The following UTS2 variants were observed in gnomAD, a reference collection of about 807,000 sequenced individuals.
The protein encoded by UTS2 is urotensin 2.
UTS2 carries 10 observed loss-of-function variants against 12.6 expected under a neutral mutation model. The observed-to-expected ratio is 0.80, with a 90% CI of 0.49 to 1.35. The LOEUF is 1.35. Among genes scored for constraint, UTS2 ranks in the 40% most tolerant of loss-of-function variants. The pLI, the probability that UTS2 is intolerant of heterozygous loss-of-function variation, is 0.00. For missense variants in UTS2, 142 were observed against 143.2 expected, an observed-to-expected ratio of 0.99 and a Z score of 0.04; for synonymous variants, 52 against 50.0, an observed-to-expected ratio of 1.04 and a Z score of -0.17.
chr1:7,898,966 C>A, the UTS2 span, among the ~76,000 whole-genome samples: 3 of 152,004 alleles, frequency 2.0e-5, no homozygotes, highest in Non-Finnish European at 4.4e-5. Flanking sequence ...TGAATTGGCT[C>A]GAGGTTCCAT....
chr1:7,895,707 T>G, the UTS2 span, among the ~76,000 whole-genome samples: 1 of 152,256 alleles, frequency 6.6e-6, no homozygotes, highest in Non-Finnish European at 1.5e-5. Flanking sequence ...CTAAAGTTCA[T>G]TCAGGAATTT....
At chr1:7,889,260 CA>C in the UTS2 span, among the ~76,000 whole-genome samples, 17,962 of 72,654 alleles carry the variant, frequency 0.25, 1,199 homozygotes, top group African/African-American at 0.28. Context: ...CTCATTTCTA[CA>C]AAAAAAAAAA....
the UTS2 span, among the ~76,000 whole-genome samples, chr1:7,867,138 G>A: frequency 1.3e-5 from 2 of 152,160 alleles, no homozygotes; most frequent in African/African-American, 4.8e-5. Flanking sequence ...CCAGAGTGCT[G>A]AGATTACAGG....
At chr1:7,875,153 C>A in the UTS2 span, among the ~76,000 whole-genome samples, 1 of 151,878 alleles carries the variant, frequency 6.6e-6, no homozygotes, top group Non-Finnish European at 1.5e-5. Flanking sequence ...AGGCTCACTG[C>A]AAGCTCCGCC....
the UTS2 span, among the ~76,000 whole-genome samples, chr1:7,906,490 A>AGAAG: frequency 7.6e-5 from 11 of 145,480 alleles, no homozygotes; most frequent in South Asian, 2.3e-4. Context: ...AAAGAAAGAA[A>AGAAG]GAAAGAAAGA....
chr1:7,849,626 A>C lies in UTS2; in HGVS notation c.258+14T>G. On this transcript the variant is annotated intron_variant, in intron 3 of 3. Coordinates refer to ENST00000361696, the MANE Select transcript of UTS2 (RefSeq NM_006786.4). ...TCACCTTTTTAAACCTAACTCATAA[A>C]TAGAGTCACTTACCTTTCTCAAATT... is the stretch of plus-strand genomic sequence containing the variant. 1 of 1,603,870 alleles carries C rather than the reference A, an allele frequency of 6.2e-7. No individual in the cohort carries two copies. Among genetic ancestry groups the C allele is most frequent in the South Asian group, 1.1e-5 (1 of 89,490 alleles).
the UTS2 span, among the ~76,000 whole-genome samples, chr1:7,902,460 G>C: frequency 9.9e-5 from 15 of 152,250 alleles, no homozygotes; most frequent in South Asian, 3.1e-3. Context: ...TGGGTCGTCA[G>C]TGCGGCTTTT....
upstream of UTS2, chr1:7,853,582 G>T: frequency 9.0e-7 from 1 of 1,107,126 alleles, no homozygotes; most frequent in African/African-American, 1.6e-5. Context: ...CATTGCTCCA[G>T]GCTCAAGACA....
chr1:7,888,000 C>T, the UTS2 span, among the ~76,000 whole-genome samples: 12 of 152,154 alleles, frequency 7.9e-5, no homozygotes, highest in African/African-American at 2.4e-4. Context: ...TGTTACGGGT[C>T]TTGGCCTGGC....
the UTS2 span, among the ~76,000 whole-genome samples, chr1:7,863,900 C>T: frequency 0.021 from 3,136 of 152,322 alleles, 91 homozygotes; most frequent in African/African-American, 0.071. Context: ...TGACCTGGCC[C>T]GGCCATCTGG....
intron 3 of UTS2, 140 bp downstream of exon 3, chr1:7,849,500 C>G: frequency 1.3e-6 from 1 of 742,486 alleles, no homozygotes; most frequent in Non-Finnish European, 2.1e-6. Flanking sequence ...CATGAGCTAC[C>G]GCGCCTGGTC....
the UTS2 span, among the ~76,000 whole-genome samples, chr1:7,875,900 C>A: frequency 5.9e-5 from 9 of 152,114 alleles, no homozygotes; most frequent in African/African-American, 2.2e-4. Flanking sequence ...TGGCTTACCC[C>A]ACCCATCGCT....
chr1:7,860,013 C>CATAT, the UTS2 span, among the ~76,000 whole-genome samples: 3 of 151,356 alleles, frequency 2.0e-5, no homozygotes, highest in South Asian at 4.2e-4. Context: ...AAAATGCATA[C>CATAT]ATATATATAT....
upstream of UTS2, among the ~76,000 whole-genome samples, chr1:7,854,753 C>T (rs530943026): frequency 1.2e-4 from 19 of 152,134 alleles, 1 homozygote; most frequent in South Asian, 3.5e-3. Context: ...TTTGTGTTCT[C>T]ATCACAAAAA....
the UTS2 span, among the ~76,000 whole-genome samples, chr1:7,899,760 C>T: frequency 5.3e-5 from 8 of 152,308 alleles, no homozygotes; most frequent in African/African-American, 1.9e-4. Context: ...CTTGAAACAG[C>T]AAGCATTTGT....
chr1:7,870,853 T>C, the UTS2 span, among the ~76,000 whole-genome samples: 2 of 151,930 alleles, frequency 1.3e-5, no homozygotes, highest in African/African-American at 2.4e-5. Flanking sequence ...CCAAACAAAA[T>C]TGAGGTTTTT....
the UTS2 span, among the ~76,000 whole-genome samples, chr1:7,893,238 C>T: frequency 1.1e-3 from 165 of 152,290 alleles, no homozygotes; most frequent in African/African-American, 3.6e-3. Flanking sequence ...TTAGGCCGGG[C>T]GCAGTGGCTC....
At chr1:7,858,051 C>A (rs1638350608), upstream of UTS2, among the ~76,000 whole-genome samples, 1 of 152,096 alleles carries the variant, frequency 6.6e-6, no homozygotes, top group Non-Finnish European at 1.5e-5. Context: ...AACTCTGGGG[C>A]TCCAAGGAAG....
the UTS2 span, among the ~76,000 whole-genome samples, chr1:7,863,758 G>T: frequency 1.3e-5 from 2 of 152,186 alleles, no homozygotes; most frequent in Non-Finnish European, 2.9e-5. Context: ...GGCTGTGTAA[G>T]AACCCCCCAT....
Sources: gnomAD v4.1 joint callset for allele counts (sites outside exome capture counted in the v4.1 genomes callset) on GRCh38, gnomAD v4.1.1 for gene constraint, MANE v1.5 for transcripts, NCBI Gene and HGNC (gene_info 2026-07-23, HGNC 2026-07-21) for gene names.